Variants in ART3 observed in about 807,000 individuals in gnomAD.
ART3 encodes the protein ADP-ribosyltransferase 3 (inactive), also known as ecto-ADP-ribosyltransferase 3.
A neutral mutation model predicts 48.5 loss-of-function variants in ART3; 49 were observed. The observed-to-expected ratio is 1.01, with a 90% CI of 0.80 to 1.28. ART3 has a LOEUF of 1.28. Among genes scored for constraint, ART3 ranks in the 50% most tolerant of loss-of-function variants. The probability of loss-of-function intolerance (pLI) is 0.00; values close to 1 mark genes in which losing one functional copy is unlikely to be tolerated. For synonymous variants in ART3, 145 were observed against 157.2 expected, an observed-to-expected ratio of 0.92 and a Z score of 0.58; for missense variants, 438 against 454.3, an observed-to-expected ratio of 0.96 and a Z score of 0.33.
rs140360343 is a variant in ART3, at chr4:76,014,139, G to A, written c.-10+2819G>A. On this transcript the variant is annotated intron_variant, in intron 1 of 9. Coordinates refer to the ART3 transcript ENST00000341029. Reference sequence around the variant, plus strand: ...GCTTATGTTGAAAACCTAACTGCCAGTACCTCAGAAGGTGACTGTATTTAG... The same window carrying A: ...GCTTATGTTGAAAACCTAACTGCCAATACCTCAGAAGGTGACTGTATTTAG... Among the ~76,000 whole-genome samples, 1,062 of 152,248 alleles carry A rather than the reference G, an allele frequency of 7.0e-3. 5 individuals carry two copies. The highest frequency in any genetic ancestry group is 0.031 in the Middle Eastern group (9 of 294).
chr4:76,076,004 GTTTT>G (rs10674212), intron 2 of ART3, 46 bp downstream of exon 2: 29 of 1,194,444 alleles, frequency 2.4e-5, no homozygotes, highest in Middle Eastern at 2.2e-4. Context: ...ATGGAAATTC[GTTTT>G]TTTTTTTTTT....
intron 1 of ART3, among the ~76,000 whole-genome samples, chr4:76,023,811 A>T (rs1292369154): frequency 6.6e-6 from 1 of 152,224 alleles, no homozygotes; most frequent in Non-Finnish European, 1.5e-5. Context: ...GCTTTTTCTC[A>T]ACACTTAAAC....
intron 1 of ART3, chr4:76,022,751 C>T (rs773414753): frequency 3.7e-6 from 6 of 1,613,448 alleles, no homozygotes; most frequent in Non-Finnish European, 5.1e-6. Context: ...TTCTAAAGAC[C>T]TTGGATTAAC....
intron 8 of ART3, among the ~76,000 whole-genome samples, chr4:76,103,710 G>A (rs1727838957): frequency 6.6e-6 from 1 of 152,106 alleles, no homozygotes; most frequent in African/African-American, 2.4e-5. Flanking sequence ...TGGAGAGACG[G>A]GTTAGATCGT....
In ART3 at chr4:76,112,636, G is replaced by C. The variant is rs1729702633; in HGVS notation, c.*117G>C. 4.1e-6 allele frequency: 5 copies of C among 1,210,918 alleles called. No homozygotes were observed. The highest frequency in any genetic ancestry group is 3.3e-6 in the Non-Finnish European group (3 of 897,056). 75.0% of individuals were successfully genotyped at this position (1,210,918 alleles called of 1,614,324 possible). On this transcript the variant is annotated 3_prime_UTR_variant, in exon 12 of 12. Coordinates refer to ENST00000355810, the MANE Select transcript of ART3 (RefSeq NM_001130016.3). ...TGGCCAAAGTCACTGGATAAAATGA[G>C]AATTGTATATTTGTTATTCATTTTG...
chr4:76,042,887 C>T (rs796718041), intron 1 of ART3, among the ~76,000 whole-genome samples: 3 of 152,056 alleles, frequency 2.0e-5, no homozygotes, highest in South Asian at 4.2e-4. Context: ...CTTATCTGGC[C>T]CCACCCACGT....
chr4:76,022,636 A>C, intron 1 of ART3: 1 of 1,558,964 alleles, frequency 6.4e-7, no homozygotes, highest in Non-Finnish European at 8.8e-7. Context: ...TTACATATTT[A>C]ATACAGTATA....
chr4:76,088,380 C>T (rs1431340980), intron 3 of ART3, among the ~76,000 whole-genome samples: 2 of 151,908 alleles, frequency 1.3e-5, no homozygotes, highest in East Asian at 3.9e-4. Flanking sequence ...ATATTGTTCC[C>T]TGGCTGGAAA....
intron 1 of ART3, among the ~76,000 whole-genome samples, chr4:76,063,053 A>G (rs1474196541): frequency 2.0e-5 from 3 of 152,046 alleles, no homozygotes; most frequent in Admixed American, 1.3e-4. Flanking sequence ...ATTTAATACT[A>G]TAGTGTGCCC....
chr4:76,049,558 A>G (rs1047850253), intron 1 of ART3, among the ~76,000 whole-genome samples: 2 of 151,956 alleles, frequency 1.3e-5, no homozygotes, highest in African/African-American at 2.4e-5. Context: ...GCCCTTTCCC[A>G]GACAGCCTGA....
At chr4:76,043,460 C>T (rs957286759) in intron 1 of ART3, among the ~76,000 whole-genome samples, 4 of 152,064 alleles carry the variant, frequency 2.6e-5, no homozygotes, top group Admixed American at 1.3e-4. Context: ...AGCTAAGGCC[C>T]GATGAGAAAT....
intron 8 of ART3, among the ~76,000 whole-genome samples, chr4:76,101,347 T>G (rs1289860733): frequency 6.6e-6 from 1 of 152,256 alleles, no homozygotes; most frequent in Admixed American, 6.5e-5. Context: ...TTAAAATGAC[T>G]ATTCTTTGTA....
chr4:76,014,658 C>T (rs1480214042), intron 1 of ART3, among the ~76,000 whole-genome samples: 4 of 152,026 alleles, frequency 2.6e-5, no homozygotes, highest in Admixed American at 1.3e-4. Flanking sequence ...TGAAAACTAA[C>T]GAAATCCAAT....
chr4:76,047,540 GT>G (rs1414948447), intron 1 of ART3, among the ~76,000 whole-genome samples: 5 of 151,954 alleles, frequency 3.3e-5, no homozygotes, highest in African/African-American at 1.2e-4. Flanking sequence ...CTTTCCCTGA[GT>G]TATGGCGGAT....
chr4:76,075,059 A>T (rs1720767232), intron 1 of ART3, among the ~76,000 whole-genome samples: 1 of 152,180 alleles, frequency 6.6e-6, no homozygotes, highest in African/African-American at 2.4e-5. Context: ...GGCCAAAATG[A>T]TCTATAAAAG....
At chr4:76,090,975 T>A (rs1239549726) in intron 3 of ART3, among the ~76,000 whole-genome samples, 1 of 152,218 alleles carries the variant, frequency 6.6e-6, no homozygotes, top group East Asian at 1.9e-4. Flanking sequence ...TAGTTGGCAC[T>A]GTCTAGAGTT....
At chr4:76,050,322 C>A (rs1735937369) in intron 1 of ART3, among the ~76,000 whole-genome samples, 1 of 152,014 alleles carries the variant, frequency 6.6e-6, no homozygotes, top group Admixed American at 6.6e-5. Flanking sequence ...GTTTACAATC[C>A]CTGAGCTAGA....
intron 2 of ART3, among the ~76,000 whole-genome samples, chr4:76,076,240 A>G (rs533322797): frequency 1.5e-3 from 225 of 152,042 alleles, no homozygotes; most frequent in Non-Finnish European, 2.3e-3. Context: ...TCCTGACCTC[A>G]TGATCCGCCC....
chr4:76,086,861 C>G (rs1723702987), intron 3 of ART3, among the ~76,000 whole-genome samples: 1 of 152,166 alleles, frequency 6.6e-6, no homozygotes, highest in Non-Finnish European at 1.5e-5. Context: ...TTCCTGCTCC[C>G]CCTATGTGAC....
Sources: gnomAD v4.1 joint callset for allele counts (sites outside exome capture counted in the v4.1 genomes callset) on GRCh38, gnomAD v4.1.1 for gene constraint, MANE v1.5 for transcripts, NCBI Gene and HGNC (gene_info 2026-07-23, HGNC 2026-07-21) for gene names.